The following LRRC49 variants were observed in gnomAD, a reference collection of about 807,000 sequenced individuals.
LRRC49 encodes leucine-rich repeat-containing protein 49.
A neutral mutation model predicts 83.3 loss-of-function variants in LRRC49; 50 were observed. The observed-to-expected ratio is 0.60, with a 90% confidence interval of 0.48 to 0.76. The LOEUF (loss-of-function observed/expected upper bound fraction) is 0.76. LRRC49 is among the 30% of genes least tolerant of loss of function. The pLI is 0.00. For synonymous variants in LRRC49, 286 were observed against 283.3 expected (o/e 1.01, Z -0.10); for missense variants, 704 against 809.1 (o/e 0.87, Z 1.58).
At chr15:70,920,437 G>A (rs965367963) in intron 7 of LRRC49, among the ~76,000 whole-genome samples, 2 of 152,158 alleles carry the variant, frequency 1.3e-5, no homozygotes, top group African/African-American at 4.8e-5. Flanking sequence ...GAACTGGACT[G>A]TTTATTTAGA....
At chr15:71,035,832 A>T (rs956045591) in intron 14 of LRRC49, among the ~76,000 whole-genome samples, 1 of 152,158 alleles carries the variant, frequency 6.6e-6, no homozygotes, top group African/African-American at 2.4e-5. Flanking sequence ...TAATAGAATG[A>T]CTTATATTCT....
intron 8 of LRRC49, among the ~76,000 whole-genome samples, chr15:70,947,831 G>A (rs2036063914): frequency 6.6e-6 from 1 of 152,122 alleles, no homozygotes; most frequent in Non-Finnish European, 1.5e-5. Context: ...GGAATGAATC[G>A]CCGCAGCCAG....
At chr15:70,853,835 G>A in intron 1 of LRRC49, 1 of 1,186,004 alleles carries the variant, frequency 8.4e-7, no homozygotes, top group Non-Finnish European at 1.1e-6. Context: ...CCGAACTCGC[G>A]CGCGGCCCGG....
chr15:70,977,391 T>A (rs2037242638), intron 9 of LRRC49, among the ~76,000 whole-genome samples: 1 of 152,220 alleles, frequency 6.6e-6, no homozygotes, highest in Non-Finnish European at 1.5e-5. Context: ...ACGCCTGTAA[T>A]TGTAGCACTT....
At chr15:70,962,249 C>G (rs887549687) in intron 8 of LRRC49, among the ~76,000 whole-genome samples, 4 of 152,152 alleles carry the variant, frequency 2.6e-5, no homozygotes, top group Non-Finnish European at 5.9e-5. Flanking sequence ...TAGAATGATT[C>G]ATTTGGTGAT....
At chr15:71,007,655 T>C (rs1312521470) in intron 11 of LRRC49, among the ~76,000 whole-genome samples, 7 of 149,700 alleles carry the variant, frequency 4.7e-5, no homozygotes, top group Non-Finnish European at 4.5e-5. Flanking sequence ...ATAAAAAATG[T>C]GGCTTCTACC....
intron 10 of LRRC49, 94 bp from the exon 11 acceptor site, chr15:70,983,988 CCTTTTAAAAGTA>C: frequency 1.3e-6 from 1 of 786,466 alleles, no homozygotes; most frequent in Admixed American, 2.5e-5. Flanking sequence ...GGAACAGGCT[CCTTTTAAAAGTA>C]TTATAAGAAG....
At chr15:70,986,355 T>C (rs1220843832) in intron 11 of LRRC49, among the ~76,000 whole-genome samples, 1 of 151,454 alleles carries the variant, frequency 6.6e-6, no homozygotes, top group African/African-American at 2.4e-5. Flanking sequence ...TTCACATCCC[T>C]TGTAAGTTGG....
At chr15:70,855,350 A>G (rs1595961122) in intron 1 of LRRC49, among the ~76,000 whole-genome samples, 2 of 148,028 alleles carry the variant, frequency 1.4e-5, no homozygotes, top group South Asian at 4.3e-4. Context: ...AAAAAAAAAG[A>G]AAAAGAAAAA....
chr15:70,982,122 G>A (rs1315944519), intron 10 of LRRC49, among the ~76,000 whole-genome samples: 1 of 151,924 alleles, frequency 6.6e-6, no homozygotes, highest in Non-Finnish European at 1.5e-5. Context: ...ATAGGAAAAC[G>A]TTTGCATTTT....
intron 11 of LRRC49, among the ~76,000 whole-genome samples, chr15:71,007,484 AG>A (rs1444424187): frequency 1.3e-5 from 2 of 151,868 alleles, no homozygotes; most frequent in African/African-American, 4.8e-5. Flanking sequence ...ACTGGATGAA[AG>A]GAGAAATCCC....
At position 71,053,536 on chromosome 15, in the gene LRRC49, G is replaced by A. The variant is rs998099055; in HGVS notation, c.*3924G>A. ...AGGTGTTAAGTAGGTGTGAATATGA[G>A]TTGGGAGTTGAGAAGTATAGATTGG... On this transcript the variant is annotated 3_prime_UTR_variant, in exon 16 of 16. Coordinates refer to ENST00000260382, the MANE Select transcript of LRRC49 (RefSeq NM_017691.5). 6.6e-6 allele frequency: 1 copy of A among 152,280 alleles called. No individual in the cohort carries two copies. Among genetic ancestry groups the A allele is most frequent in the African/African-American group, 2.4e-5 (1 of 41,464 alleles). The allele number at this position is 152,280 out of a possible 1,614,324, so 9.4% of individuals were successfully genotyped here.
chr15:71,016,215 GT>G (rs1304233466), intron 14 of LRRC49, among the ~76,000 whole-genome samples: 1 of 151,472 alleles, frequency 6.6e-6, no homozygotes, highest in Admixed American at 6.6e-5. Flanking sequence ...GTTCTATCTT[GT>G]TTTTTTATTT....
At chr15:70,956,751 G>T (rs1030905398) in intron 8 of LRRC49, among the ~76,000 whole-genome samples, 3 of 152,162 alleles carry the variant, frequency 2.0e-5, no homozygotes, top group Non-Finnish European at 4.4e-5. Flanking sequence ...GTCTGGCATG[G>T]TTATTGGTCA....
At chr15:70,969,547 A>C (rs1169875110) in intron 9 of LRRC49, among the ~76,000 whole-genome samples, 3 of 152,198 alleles carry the variant, frequency 2.0e-5, no homozygotes, top group African/African-American at 7.2e-5. Flanking sequence ...TGGGATTAGC[A>C]TTAAATATAT....
chr15:70,981,891 CTTTTT>C (rs11339326), intron 10 of LRRC49, among the ~76,000 whole-genome samples: 1 of 112,102 alleles, frequency 8.9e-6, no homozygotes, highest in Non-Finnish European at 1.9e-5. Flanking sequence ...TTTGCTTCTT[CTTTTT>C]TTTTTTTTTT....
chr15:70,914,656 C>G (rs2034688697), intron 6 of LRRC49, among the ~76,000 whole-genome samples: 1 of 152,164 alleles, frequency 6.6e-6, no homozygotes, highest in African/African-American at 2.4e-5. Context: ...ACAGAGGAAT[C>G]TAGGAGGTTG....
chr15:71,035,109 CT>C (rs1456195201), intron 14 of LRRC49, among the ~76,000 whole-genome samples: 2 of 151,896 alleles, frequency 1.3e-5, no homozygotes, highest in Non-Finnish European at 2.9e-5. Flanking sequence ...GAAAATTATA[CT>C]ATGTAACTAT....
chr15:70,873,767 C>A (rs575358971), intron 2 of LRRC49, among the ~76,000 whole-genome samples: 1 of 152,266 alleles, frequency 6.6e-6, no homozygotes, highest in Non-Finnish European at 1.5e-5. Flanking sequence ...GGCTCAAGCA[C>A]TTTTAAAGCC....
Sources: gnomAD v4.1 joint callset for allele counts (sites outside exome capture counted in the v4.1 genomes callset) on GRCh38, gnomAD v4.1.1 for gene constraint, MANE v1.5 for transcripts, NCBI Gene and HGNC (gene_info 2026-07-23, HGNC 2026-07-21) for gene names.